TRHDE: variants seen among roughly 807,000 people sequenced by gnomAD.
The protein encoded by TRHDE is thyrotropin releasing hormone degrading enzyme.
TRHDE carries 72 observed loss-of-function variants against 125.7 expected under a neutral mutation model. That is an observed-to-expected ratio of 0.57 (90% confidence interval 0.47 to 0.70). TRHDE has a LOEUF of 0.70. TRHDE is among the 30% of genes least tolerant of loss of function. TRHDE has a pLI of 0.00. For synonymous variants in TRHDE, 509 were observed against 509.1 expected, an observed-to-expected ratio of 1.00 and a Z score of 0.00; for missense variants, 1,110 against 1,327.1, an observed-to-expected ratio of 0.84 and a Z score of 2.54.
At chr12:72,169,450 G>T (rs911103842) in intron 2 of TRHDE, among the ~76,000 whole-genome samples, 1 of 152,110 alleles carries the variant, frequency 6.6e-6, no homozygotes, top group Non-Finnish European at 1.5e-5. Flanking sequence ...AGATCAAGGT[G>T]CTGTCAGAGT....
chr12:72,634,301 A>G (rs1324227780), intron 15 of TRHDE, among the ~76,000 whole-genome samples: 1 of 152,150 alleles, frequency 6.6e-6, no homozygotes, highest in Non-Finnish European at 1.5e-5. Context: ...CACTATGAAC[A>G]AGGTCAAACT....
intron 2 of TRHDE, among the ~76,000 whole-genome samples, chr12:72,295,925 A>G (rs575086716): frequency 6.6e-6 from 1 of 152,322 alleles, no homozygotes; most frequent in Admixed American, 6.5e-5. Flanking sequence ...ATTACAATCT[A>G]TTTAGGAATG....
chr12:72,144,848 T>A (rs1876193514), intron 2 of TRHDE, among the ~76,000 whole-genome samples: 1 of 152,186 alleles, frequency 6.6e-6, no homozygotes, highest in Non-Finnish European at 1.5e-5. Context: ...AGCTTGCCCC[T>A]CTTGGTATGT....
At chr12:72,415,249 T>C (rs142182973) in intron 3 of TRHDE, among the ~76,000 whole-genome samples, 1 of 152,258 alleles carries the variant, frequency 6.6e-6, no homozygotes, top group East Asian at 1.9e-4. Flanking sequence ...AGAGTTGTAA[T>C]GGATATATAA....
upstream of TRHDE, chr12:72,272,187 G>C (rs564749546): frequency 4.4e-6 from 2 of 452,282 alleles, no homozygotes; most frequent in African/African-American, 4.0e-5. The surrounding 1 kb of genome is among the most constrained non-coding windows in gnomAD (Gnocchi z 6.7). Flanking sequence ...GAAAGCGAAA[G>C]CCCTAACTTC....
intron 1 of TRHDE, among the ~76,000 whole-genome samples, chr12:72,282,622 C>A (rs1448631720): frequency 6.6e-6 from 1 of 152,106 alleles, no homozygotes; most frequent in Non-Finnish European, 1.5e-5. Context: ...TCTGATGTAA[C>A]CAGAATCTGC....
chr12:72,178,843 G>C (rs1202997886), intron 2 of TRHDE, among the ~76,000 whole-genome samples: 2 of 152,040 alleles, frequency 1.3e-5, no homozygotes, highest in African/African-American at 4.8e-5. Context: ...CAAATAAAAT[G>C]ATAAATCCAG....
intron 2 of TRHDE, among the ~76,000 whole-genome samples, chr12:72,119,271 T>A (rs112671690): frequency 1.3e-5 from 2 of 152,178 alleles, no homozygotes; most frequent in African/African-American, 4.8e-5. Context: ...AATTTTTCAA[T>A]TTCCTTAATT....
At chr12:72,300,036 T>A (rs1880445217) in intron 2 of TRHDE, among the ~76,000 whole-genome samples, 2 of 152,054 alleles carry the variant, frequency 1.3e-5, no homozygotes, top group Admixed American at 6.6e-5. Context: ...TTTCTTAGAG[T>A]AAGAAACACC....
At chr12:72,414,325 A>G (rs748931050) in intron 3 of TRHDE, among the ~76,000 whole-genome samples, 1 of 152,124 alleles carries the variant, frequency 6.6e-6, no homozygotes, top group Admixed American at 6.6e-5. Flanking sequence ...GATAAATTTG[A>G]AAGACTAATG....
In TRHDE at chr12:72,273,219, G is replaced by T. The variant is rs370771943; in HGVS notation, c.576G>T (p.Pro192=). 4 of 1,609,172 alleles carry T rather than the reference G, an allele frequency of 2.5e-6. No individual in the cohort carries two copies. Among genetic ancestry groups the T allele is most frequent in the Non-Finnish European group, 3.4e-6 (4 of 1,176,278 alleles). Residue 192 remains proline (P), a synonymous_variant, in exon 1 of 19, where the codon CCG becomes CCT. Transcript: ENST00000261180. The surrounding 1 kb of genome is among the most constrained non-coding windows in gnomAD (Gnocchi z 5.3). ...TQLRLSGHLK[P]LHYNLMLTAF... ...TGCGCCTGTCGGGCCACCTGAAGCC[G>T]CTGCACTACAATCTGATGCTCACCG...
intron 2 of TRHDE, chr12:72,263,920 C>A (rs911797671): frequency 4.6e-5 from 7 of 151,974 alleles, no homozygotes; most frequent in African/African-American, 1.7e-4. Context: ...TATAGTACAA[C>A]CTTCCACTCT....
chr12:72,633,536 C>T (rs1357493318), intron 15 of TRHDE, among the ~76,000 whole-genome samples: 1 of 152,046 alleles, frequency 6.6e-6, no homozygotes, highest in Non-Finnish European at 1.5e-5. Flanking sequence ...GCTGTTTAGG[C>T]ACAAGTGAGA....
At chr12:72,541,644 GC>G (rs1390332665) in intron 6 of TRHDE, among the ~76,000 whole-genome samples, 1 of 151,354 alleles carries the variant, frequency 6.6e-6, no homozygotes, top group Non-Finnish European at 1.5e-5. Context: ...AGTTCAAACT[GC>G]TTTACATGTA....
At chr12:72,144,391 A>G (rs1008924420) in intron 2 of TRHDE, among the ~76,000 whole-genome samples, 1 of 152,144 alleles carries the variant, frequency 6.6e-6, no homozygotes, top group African/African-American at 2.4e-5. Flanking sequence ...ATTGTTTTTG[A>G]CAATGTCCTA....
chr12:72,402,165 G>A (rs188476270), intron 3 of TRHDE, among the ~76,000 whole-genome samples: 5 of 151,998 alleles, frequency 3.3e-5, no homozygotes, highest in African/African-American at 1.2e-4. Flanking sequence ...GGAATAATCT[G>A]TCCTAGGGGT....
At chr12:72,586,525 C>A (rs899627391) in intron 12 of TRHDE, among the ~76,000 whole-genome samples, 1 of 152,076 alleles carries the variant, frequency 6.6e-6, no homozygotes, top group Non-Finnish European at 1.5e-5. Flanking sequence ...ACTATGTCAA[C>A]GCTTGCTTAA....
intron 5 of TRHDE, among the ~76,000 whole-genome samples, chr12:72,497,605 C>A (rs1385868988): frequency 1.3e-5 from 2 of 152,000 alleles, no homozygotes; most frequent in African/African-American, 4.8e-5. Context: ...CAAAAGTGTT[C>A]ATTGGTCAAG....
At chr12:72,561,978 G>A (rs889230951) in intron 7 of TRHDE, among the ~76,000 whole-genome samples, 187 bp from the exon 8 acceptor site, 2 of 151,920 alleles carry the variant, frequency 1.3e-5, no homozygotes, top group South Asian at 2.1e-4. Flanking sequence ...ATTGTTCGAC[G>A]ACTTAATTAG....
Sources: allele counts gnomAD v4.1 joint callset (sites outside exome capture counted in the v4.1 genomes callset), GRCh38; gene constraint gnomAD v4.1.1; non-coding constraint Gnocchi (gnomAD v3.1); transcripts MANE v1.5; gene names NCBI Gene and HGNC (gene_info 2026-07-23, HGNC 2026-07-21).